DGKB: variants seen among roughly 807,000 people sequenced by gnomAD.
DGKB encodes the protein diacylglycerol kinase beta, also known as 90 kDa diacylglycerol kinase.
Under a neutral mutation model 114.3 loss-of-function variants are expected in DGKB, and 67 were observed. That is an observed-to-expected ratio of 0.59 (90% CI 0.48 to 0.72). DGKB has a LOEUF of 0.72. Ranked by LOEUF, DGKB falls within the 30% of genes least tolerant of loss-of-function variation. The probability of loss-of-function intolerance (pLI) is 0.00; values close to 1 mark genes in which losing one functional copy is unlikely to be tolerated. For synonymous variants in DGKB, 398 were observed against 323.1 expected (o/e 1.23, Z -2.49); for missense variants, 907 against 975.2 (o/e 0.93, Z 0.93).
chr7:14,503,120 A>AT (rs1036721395), intron 20 of DGKB, among the ~76,000 whole-genome samples: 7 of 152,072 alleles, frequency 4.6e-5, no homozygotes, highest in Admixed American at 2.6e-4. Context: ...TGCTTCTACC[A>AT]TTTTTTGTTG....
intron 5 of DGKB, among the ~76,000 whole-genome samples, chr7:14,720,277 G>A (rs1187823447): frequency 1.4e-4 from 21 of 151,702 alleles, no homozygotes. Context: ...ACACGGCTTT[G>A]GGTCTTTCCA....
In DGKB at chr7:14,776,199, T is replaced by C. The variant is rs192114177; in HGVS notation, c.71-18468A>G. The stretch of plus-strand genomic sequence containing the variant: ...TAATGTATCTGATGGAAAAAATTTC[T>C]AAGCAGCAAAACATTCAAGAGGAAG... On this transcript the variant is annotated intron_variant, in intron 2 of 25. Coordinates refer to ENST00000402815, the MANE Select transcript of DGKB (RefSeq NM_001350709.2). Among the ~76,000 whole-genome samples, 303 of 152,304 alleles carry C rather than the reference T, an allele frequency of 2.0e-3. 1 individual carries two copies. Among genetic ancestry groups the C allele is most frequent in the Middle Eastern group, 6.8e-3 (2 of 294 alleles).
intron 23 of DGKB, chr7:14,269,256 A>G (rs565124916): frequency 6.6e-6 from 1 of 152,396 alleles, no homozygotes; most frequent in East Asian, 1.9e-4. Flanking sequence ...AGTTTCTGCA[A>G]TCACACACTA....
intron 23 of DGKB, among the ~76,000 whole-genome samples, chr7:14,337,156 A>G (rs1336867375): frequency 1.3e-5 from 2 of 152,042 alleles, no homozygotes; most frequent in African/African-American, 4.8e-5. Flanking sequence ...AAATCTACTA[A>G]TTTTACATTT....
intron 20 of DGKB, among the ~76,000 whole-genome samples, chr7:14,567,223 A>T (rs7457848): frequency 0.55 from 29,446 of 53,800 alleles, 7,923 homozygotes; most frequent in East Asian, 0.91. Context: ...ATTTATATAT[A>T]ATATATATAA....
At chr7:14,185,063 T>A (rs1783204303) in intron 23 of DGKB, among the ~76,000 whole-genome samples, 1 of 152,128 alleles carries the variant, frequency 6.6e-6, no homozygotes, top group Non-Finnish European at 1.5e-5. Context: ...GGCATCCAAA[T>A]CGGTAAAGAG....
intron 13 of DGKB, among the ~76,000 whole-genome samples, chr7:14,637,864 T>A (rs1352939273): frequency 6.6e-6 from 1 of 151,918 alleles, no homozygotes; most frequent in African/African-American, 2.4e-5. Context: ...TGGAGTAACA[T>A]TCACTAAAAT....
chr7:14,176,217 G>C (rs549580935), intron 25 of DGKB: 1 of 373,490 alleles, frequency 2.7e-6, no homozygotes, highest in East Asian at 1.7e-4. Flanking sequence ...TCTTGTTCAT[G>C]TGTCTACTCC....
At chr7:14,522,585 G>A (rs1230089661) in intron 20 of DGKB, among the ~76,000 whole-genome samples, 1 of 152,156 alleles carries the variant, frequency 6.6e-6, no homozygotes, top group Non-Finnish European at 1.5e-5. Flanking sequence ...TGTCCTGGTT[G>A]AACTACCATA....
At chr7:14,865,083 T>C (rs1041568240) in intron 1 of DGKB, among the ~76,000 whole-genome samples, 1 of 33,130 alleles carries the variant, frequency 3.0e-5, no homozygotes, top group Non-Finnish European at 6.7e-5. Context: ...AAAGAATTGA[T>C]GACCTATTGG....
intron 20 of DGKB, among the ~76,000 whole-genome samples, chr7:14,492,664 T>C (rs1784757623): frequency 6.6e-6 from 1 of 152,098 alleles, no homozygotes; most frequent in Non-Finnish European, 1.5e-5. Flanking sequence ...CTAGACCTGA[T>C]GTATTTCTAG....
At chr7:14,810,409 A>C (rs1430743666) in intron 2 of DGKB, among the ~76,000 whole-genome samples, 1 of 152,196 alleles carries the variant, frequency 6.6e-6, no homozygotes, top group Non-Finnish European at 1.5e-5. Context: ...CTGACATTTA[A>C]ATATAATGCA....
At chr7:14,417,145 C>T (rs1439885836) in intron 21 of DGKB, among the ~76,000 whole-genome samples, 1 of 152,026 alleles carries the variant, frequency 6.6e-6, no homozygotes, top group East Asian at 1.9e-4. Flanking sequence ...GTTCTCTGCA[C>T]CCTGCTGGTT....
chr7:14,801,718 C>G (rs1842167370), intron 2 of DGKB, among the ~76,000 whole-genome samples: 1 of 152,038 alleles, frequency 6.6e-6, no homozygotes, highest in Non-Finnish European at 1.5e-5. Context: ...ACACCACCAT[C>G]TTTCCTGGAT....
intron 1 of DGKB, among the ~76,000 whole-genome samples, chr7:14,971,796 C>T (rs971301071): frequency 1.9e-4 from 27 of 141,152 alleles, no homozygotes; most frequent in African/African-American, 7.3e-4. Flanking sequence ...GAGTTTCACT[C>T]TTGTTGCCCA....
At chr7:14,712,292 A>G (rs908380847) in intron 6 of DGKB, among the ~76,000 whole-genome samples, 3 of 152,214 alleles carry the variant, frequency 2.0e-5, no homozygotes, top group African/African-American at 4.8e-5. Context: ...TCCAAATAAT[A>G]TTGGTTCTAG....
intron 1 of DGKB, among the ~76,000 whole-genome samples, chr7:14,848,376 G>T (rs1586894012): frequency 1.3e-5 from 2 of 152,144 alleles, no homozygotes; most frequent in African/African-American, 4.8e-5. Flanking sequence ...ATAGAACCAG[G>T]ATTGATGAGA....
chr7:14,163,717 G>A (rs1351675440), intron 25 of DGKB, among the ~76,000 whole-genome samples: 1 of 152,104 alleles, frequency 6.6e-6, no homozygotes, highest in Non-Finnish European at 1.5e-5. Flanking sequence ...AACTGGCCAG[G>A]CACAGTGACT....
At chr7:14,592,505 T>C (rs959658701) in intron 17 of DGKB, among the ~76,000 whole-genome samples, 2 of 151,952 alleles carry the variant, frequency 1.3e-5, no homozygotes, top group African/African-American at 4.8e-5. Context: ...ATTGCCTTAG[T>C]AAAATCTGGC....
Sources: allele counts gnomAD v4.1 joint callset (sites outside exome capture counted in the v4.1 genomes callset), GRCh38; gene constraint gnomAD v4.1.1; transcripts MANE v1.5; gene names NCBI Gene and HGNC (gene_info 2026-07-23, HGNC 2026-07-21).